Variants in DDX21 observed in about 807,000 individuals in gnomAD.
DDX21 encodes the protein DExD-box helicase 21, also known as nucleolar RNA helicase 2.
Under a neutral mutation model 90.0 loss-of-function variants are expected in DDX21, and 18 were observed. The observed-to-expected ratio is 0.20, with a 90% CI of 0.14 to 0.30. The LOEUF is 0.30. Among genes scored for constraint, DDX21 ranks in the 10% least tolerant of loss-of-function variants. The pLI is 1.00. For synonymous variants in DDX21, 294 were observed against 318.0 expected (o/e 0.92, Z 0.80); for missense variants, 673 against 944.5 (o/e 0.71, Z 3.77).
chr10:68,982,214 C>G (rs558079497), intron 14 of DDX21, among the ~76,000 whole-genome samples: 1 of 152,184 alleles, frequency 6.6e-6, no homozygotes, highest in South Asian at 2.1e-4. Context: ...TTATTCAATA[C>G]TGTGAGAAAT....
rs1336168859 is a variant in DDX21 at position 68,983,673 on chromosome 10, C to G, written c.*861C>G. On this transcript the variant is annotated 3_prime_UTR_variant, in exon 15 of 15. Transcript: ENST00000354185. ...GAAGGACTTAAGGGAGTAGGGGGCGCAGATTAGCATTGCTCAAGAGTATGT... is the reference window on the plus strand; with the variant it reads ...GAAGGACTTAAGGGAGTAGGGGGCGGAGATTAGCATTGCTCAAGAGTATGT... 7.9e-6 allele frequency: 1 copy of G among 125,890 alleles called. No individual in the cohort carries two copies. Among genetic ancestry groups the G allele is most frequent in the African/African-American group, 3.0e-5 (1 of 33,220 alleles). The allele number at this position is 125,890 out of a possible 1,614,324, so 7.8% of individuals were successfully genotyped here. A position where few individuals can be genotyped will look rare whatever the true frequency, so the allele number is the denominator to read the frequency against.
rs930156740 is a variant in DDX21, at chr10:68,984,285, CTT to C, written c.*1475_*1476del. 23 of 152,308 alleles carry C rather than the reference CTT, an allele frequency of 1.5e-4. No homozygotes were observed. The highest frequency in any genetic ancestry group is 5.1e-4 in the African/African-American group (21 of 41,568). 9.4% of individuals were successfully genotyped at this position (152,308 alleles called of 1,614,324 possible). On this transcript the variant is annotated 3_prime_UTR_variant, in exon 15 of 15. Coordinates refer to ENST00000354185, the MANE Select transcript of DDX21 (RefSeq NM_004728.4). ...CCTGATTTCTCTTGCTTAATCCAGT[CTT>C]TATCTCTAACTGCCCCTTATTTGAT...
chr10:68,964,072 C>T (rs1842906459), intron 4 of DDX21: 1 of 374,578 alleles, frequency 2.7e-6, no homozygotes, highest in Non-Finnish European at 5.2e-6. Context: ...GCACTCCAGC[C>T]TGGGCGATAG....
chr10:68,968,922 A>C (rs1842980663), intron 6 of DDX21, 54 bp from the exon 7 acceptor site: 1 of 1,593,480 alleles, frequency 6.3e-7, no homozygotes, highest in African/African-American at 1.3e-5. Flanking sequence ...GTGGAATACT[A>C]TGTAGGCTTG....
chr10:68,963,166 T>C, intron 3 of DDX21, 125 bp from the exon 4 acceptor site: 2 of 985,638 alleles, frequency 2.0e-6, no homozygotes, highest in African/African-American at 1.6e-5. Context: ...TTTGTAGATG[T>C]TGACCAGAAG....
At chr10:68,964,915 A>G (rs1427452716) in intron 4 of DDX21, among the ~76,000 whole-genome samples, 1 of 152,158 alleles carries the variant, frequency 6.6e-6, no homozygotes, top group African/African-American at 2.4e-5. Flanking sequence ...TGCTAGGATT[A>G]TAGGCATGAG....
intron 10 of DDX21, among the ~76,000 whole-genome samples, chr10:68,974,206 C>T (rs1286411735): frequency 6.6e-6 from 1 of 152,188 alleles, no homozygotes; most frequent in Non-Finnish European, 1.5e-5. Flanking sequence ...GTGATAGGCA[C>T]ATAGCCATGT....
intron 1 of DDX21, among the ~76,000 whole-genome samples, chr10:68,958,733 A>G (rs1488125512): frequency 6.6e-6 from 1 of 152,050 alleles, no homozygotes; most frequent in Admixed American, 6.6e-5. Flanking sequence ...CACCGCGCCC[A>G]GCCTAAATTT....
In DDX21 at chr10:68,970,259, G is replaced by C. The variant is rs761511827; in HGVS notation, c.1295G>C (p.Arg432Pro). 1.2e-5 allele frequency: 20 copies of C among 1,613,830 alleles called. No individual in the cohort carries two copies. The highest frequency in any genetic ancestry group is 4.2e-6 in the Non-Finnish European group (5 of 1,179,930). Residue 432 changes from arginine (R) to proline (P), a missense_variant, in exon 8 of 15, where the codon CGA becomes CCA. Physicochemically the swap from Arg to Pro is moderately radical, Grantham distance 103. This residue lies in a region of DDX21 where 218 missense variants were observed against 347.3 expected (regional missense o/e 0.63). Coordinates refer to ENST00000354185, the MANE Select transcript of DDX21 (RefSeq NM_004728.4). ...QRAAVIGDVI[R>P]VYSGHQGRTI... Reference sequence around the variant, plus strand: ...GCAGCAGTTATTGGGGATGTCATCCGAGTATATAGTGGTCATCAAGGACGC... The same window carrying C: ...GCAGCAGTTATTGGGGATGTCATCCCAGTATATAGTGGTCATCAAGGACGC...
At chr10:68,956,583 C>G in intron 1 of DDX21, 1 of 1,278,864 alleles carries the variant, frequency 7.8e-7, no homozygotes, top group Non-Finnish European at 1.0e-6. Context: ...GGTAGAGAGG[C>G]CCTGTTGGAG....
intron 1 of DDX21, among the ~76,000 whole-genome samples, chr10:68,957,699 T>C (rs900423546): frequency 2.0e-5 from 3 of 152,240 alleles, no homozygotes; most frequent in Non-Finnish European, 4.4e-5. Flanking sequence ...CTCAGTCTTA[T>C]TTGGTGGAAC....
In DDX21 at chr10:68,970,349, A is replaced by G. The variant is rs1843004882; in HGVS notation, c.1385A>G (p.Gln462Arg). ...CTGTCCCAGAATTCAGCTATAAAGC[A>G]GGTTGGTCCTTCCCCTTATGCCAGC... is the stretch of plus-strand genomic sequence containing the variant. Reference protein sequence around the residue: ...QELSQNSAIKQDAQSLHGDIP... With the variant: ...QELSQNSAIKRDAQSLHGDIP... The change falls in exon 8 of 15, where the codon CAG becomes CGG. Residue 462 changes from glutamine to arginine, a missense_variant and splice_region_variant. Around this residue, in one of 4 missense-constraint regions of DDX21, gnomAD observed 218 missense variants for 347.3 expected, o/e 0.63. Coordinates refer to ENST00000354185, the MANE Select transcript of DDX21 (RefSeq NM_004728.4). The G allele has an allele frequency of 6.2e-7, 1 of 1,613,072 alleles. No homozygotes were observed.
In DDX21 at chr10:68,968,952, C is replaced by CT. The variant is rs570963470; in HGVS notation, c.1091-15dup. On this transcript the variant is annotated intron_variant, in intron 6 of 14. Coordinates refer to ENST00000354185, the MANE Select transcript of DDX21 (RefSeq NM_004728.4). Reference sequence around the variant, plus strand: ...GGCTTGTTTGGATTATTCATACTGACTTTTTTTTTCCCCCTCCTCAAAGAT... The same window carrying CT: ...GGCTTGTTTGGATTATTCATACTGACTTTTTTTTTTCCCCCTCCTCAAAGAT... The CT allele has an allele frequency of 2.3e-4, 370 of 1,599,676 alleles. 1 individual carries two copies. The African/African-American group carries it at 3.7e-3, about 16-fold the overall frequency.
chr10:68,964,911 G>A (rs369843902), intron 4 of DDX21, among the ~76,000 whole-genome samples: 25 of 152,144 alleles, frequency 1.6e-4, no homozygotes, highest in Non-Finnish European at 2.1e-4. Context: ...AAAGTGCTAG[G>A]ATTATAGGCA....
intron 1 of DDX21, among the ~76,000 whole-genome samples, chr10:68,958,748 C>T (rs1842834451): frequency 6.6e-6 from 1 of 152,082 alleles, no homozygotes. Context: ...AAATTTTAAA[C>T]TTTTTCAATA....
At chr10:68,966,172 T>C (rs538663408) in intron 5 of DDX21, among the ~76,000 whole-genome samples, 28 of 151,550 alleles carry the variant, frequency 1.8e-4, no homozygotes, top group African/African-American at 6.8e-4. Context: ...GGCAGGCACC[T>C]GTAGTCCCAG....
intron 7 of DDX21, among the ~76,000 whole-genome samples, chr10:68,969,529 C>T (rs532679748): frequency 3.3e-5 from 5 of 152,326 alleles, no homozygotes; most frequent in African/African-American, 7.2e-5. Flanking sequence ...CTGCCCATCT[C>T]GGCCTCCCAA....
At chr10:68,963,021 T>C (rs1384030941) in intron 3 of DDX21, among the ~76,000 whole-genome samples, 1 of 151,648 alleles carries the variant, frequency 6.6e-6, no homozygotes, top group South Asian at 2.1e-4. Context: ...CAGCTGTCCA[T>C]CAGGCTGAGG....
chr10:68,983,729 C>T lies in DDX21; in HGVS notation c.*917C>T, dbSNP rs1843229217. On this transcript the variant is annotated 3_prime_UTR_variant, in exon 15 of 15. Coordinates refer to ENST00000354185, the MANE Select transcript of DDX21 (RefSeq NM_004728.4). Reference sequence around the variant, plus strand: ...AAAAAAAAAAAAAAAAGAACCAAACCACTGGAAATAATCAAATGCAAAAAG... The same window carrying T: ...AAAAAAAAAAAAAAAAGAACCAAACTACTGGAAATAATCAAATGCAAAAAG... The T allele has an allele frequency of 6.8e-6, 1 of 146,756 alleles. No individual in the cohort carries two copies. The highest frequency in any genetic ancestry group is 2.5e-5 in the African/African-American group (1 of 40,094). 9.1% of individuals were successfully genotyped at this position (146,756 alleles called of 1,614,324 possible).
Sources: allele counts gnomAD v4.1 joint callset (sites outside exome capture counted in the v4.1 genomes callset), GRCh38; gene constraint gnomAD v4.1.1; regional missense constraint gnomAD v4.1.1; transcripts MANE v1.5; gene names NCBI Gene and HGNC (gene_info 2026-07-23, HGNC 2026-07-21).